The following ATP10A variants were observed in gnomAD, a reference collection of about 807,000 sequenced individuals.
ATP10A encodes ATPase phospholipid transporting 10A (putative).
Under a neutral mutation model 147.8 loss-of-function variants are expected in ATP10A, and 111 were observed. The ratio of observed to expected loss-of-function variants is 0.75; its 90% CI spans 0.64 to 0.88. ATP10A has a LOEUF of 0.88. ATP10A is among the 40% of genes least tolerant of loss of function. The pLI is 0.00. For missense variants in ATP10A, 1,927 were observed against 1,959.0 expected (o/e 0.98, Z 0.31); for synonymous variants, 875 against 841.6 (o/e 1.04, Z -0.69).
rs756747455 is a variant in ATP10A, at chr15:25,716,709, C to T, written c.1776+21G>A. 10 of 1,542,198 alleles carry T rather than the reference C, an allele frequency of 6.5e-6. No homozygotes were observed. In the South Asian group the frequency reaches 1.2e-4, roughly 19 times the overall value. ...CAGCGCAGAAGGTCAAGGTCAAGCT[C>T]AGGGACCCTCCAGAACTTGCCTTTG... On this transcript the variant is annotated intron_variant, in intron 9 of 20. Coordinates refer to ENST00000555815, the MANE Select transcript of ATP10A (RefSeq NM_024490.4).
chr15:25,672,300 T>C (rs551569003), downstream of ATP10A, among the ~76,000 whole-genome samples: 2 of 152,352 alleles, frequency 1.3e-5, no homozygotes, highest in African/African-American at 2.4e-5. Context: ...TTCATCTGTG[T>C]TGTACATGTG....
At chr15:25,694,451 C>CCAGAAGCAG (rs1900201445) in intron 14 of ATP10A, among the ~76,000 whole-genome samples, 1 of 152,204 alleles carries the variant, frequency 6.6e-6, no homozygotes, top group Admixed American at 6.5e-5. Context: ...CTGCAAAGGA[C>CCAGAAGCAG]CTTCTAAGTT....
At chr15:25,790,810 A>G (rs1418380197) in intron 1 of ATP10A, among the ~76,000 whole-genome samples, 1 of 152,142 alleles carries the variant, frequency 6.6e-6, no homozygotes. Context: ...ACATCTCAAT[A>G]ATACTGCCCA....
chr15:25,695,214 C>T, intron 13 of ATP10A, 68 bp from the exon 14 acceptor site: 1 of 1,448,122 alleles, frequency 6.9e-7, no homozygotes, highest in Non-Finnish European at 9.4e-7. Context: ...CGCCCTGGCT[C>T]AACACCTCTG....
chr15:25,688,146 A>C (rs904462213), intron 15 of ATP10A: 1 of 398,058 alleles, frequency 2.5e-6, no homozygotes, highest in Non-Finnish European at 4.8e-6. Flanking sequence ...GAAAACACAC[A>C]GAGATACATG....
At chr15:25,690,488 T>C (rs8030518) in intron 15 of ATP10A, among the ~76,000 whole-genome samples, 11,016 of 152,304 alleles carry the variant, frequency 0.072, 545 homozygotes, top group African/African-American at 0.13. Flanking sequence ...GATCCTCCTG[T>C]CTTGTCCTTC....
At position 25,827,286 on chromosome 15, in the gene ATP10A, A is replaced by C. The variant is rs1421415307; in HGVS notation, c.449+35362T>G. 8.5e-5 allele frequency among the ~76,000 whole-genome samples: 13 copies of C among 152,252 alleles called. No individual in the cohort carries two copies. In the East Asian group the frequency reaches 2.5e-3, roughly 29 times the overall value. On this transcript the variant is annotated intron_variant, in intron 1 of 20. Transcript: ENST00000555815. The stretch of plus-strand genomic sequence containing the variant: ...ACAATAAACAGAGTCCTTCAGGCTG[A>C]AATGAAAGCACACTAGACTGTAACT...
At chr15:25,707,807 G>A (rs939214247) in intron 12 of ATP10A, among the ~76,000 whole-genome samples, 169 bp downstream of exon 12, 1 of 152,170 alleles carries the variant, frequency 6.6e-6, no homozygotes, top group African/African-American at 2.4e-5. Context: ...GAGACTAGGA[G>A]AAGATTCAGG....
intron 1 of ATP10A, 24 bp from the exon 2 acceptor site, chr15:25,781,247 A>G (rs372369297): frequency 3.4e-5 from 54 of 1,588,726 alleles, no homozygotes; most frequent in African/African-American, 2.3e-4. Flanking sequence ...TTTGATTAAC[A>G]AAACTCACGA....
intron 1 of ATP10A, among the ~76,000 whole-genome samples, chr15:25,807,786 G>A (rs1255332648): frequency 6.6e-6 from 1 of 150,888 alleles, no homozygotes; most frequent in Non-Finnish European, 1.5e-5. Flanking sequence ...TGGGTGACAA[G>A]AGTGAAACTC....
chr15:25,824,585 G>A (rs552534292), intron 1 of ATP10A, among the ~76,000 whole-genome samples: 15 of 141,216 alleles, frequency 1.1e-4, no homozygotes, highest in African/African-American at 3.2e-4. Context: ...GCATTTTAAC[G>A]AAACACATTT....
At chr15:25,768,145 G>A (rs1034868982) in intron 2 of ATP10A, among the ~76,000 whole-genome samples, 5 of 152,106 alleles carry the variant, frequency 3.3e-5, no homozygotes, top group African/African-American at 9.7e-5. Flanking sequence ...GTGCTGGGCC[G>A]GCATGACGAG....
At chr15:25,700,119 G>C (rs1317714932) in intron 13 of ATP10A, among the ~76,000 whole-genome samples, 6 of 152,076 alleles carry the variant, frequency 3.9e-5, no homozygotes, top group Non-Finnish European at 5.9e-5. Context: ...TGGAAAATAA[G>C]CACATGGAAA....
At chr15:25,837,000 C>T (rs985617407) in intron 1 of ATP10A, among the ~76,000 whole-genome samples, 2 of 152,148 alleles carry the variant, frequency 1.3e-5, no homozygotes, top group African/African-American at 4.8e-5. Flanking sequence ...TTTTGATATA[C>T]ATATAACGTA....
At chr15:25,757,007 T>C (rs756968628) in intron 2 of ATP10A, among the ~76,000 whole-genome samples, 7 of 152,220 alleles carry the variant, frequency 4.6e-5, no homozygotes, top group Non-Finnish European at 7.3e-5. Flanking sequence ...CAAACGGCCA[T>C]AAACATTTAT....
chr15:25,680,665 C>T, intron 19 of ATP10A, 145 bp downstream of exon 19: 1 of 800,440 alleles, frequency 1.2e-6, no homozygotes, highest in Non-Finnish European at 2.1e-6. Context: ...GGGAATGTGT[C>T]ATTGTCCTTC....
At chr15:25,856,100 A>G (rs1250425244) in intron 1 of ATP10A, among the ~76,000 whole-genome samples, 1 of 152,218 alleles carries the variant, frequency 6.6e-6, no homozygotes, top group Non-Finnish European at 1.5e-5. Context: ...AAAGCTTAAG[A>G]ATTTTAGAAA....
Position 25,705,913 on chromosome 15 carries a change from A to G in ATP10A, c.2575+2063T>C, listed in dbSNP as rs531222089. Among the ~76,000 whole-genome samples the G allele has an allele frequency of 2.6e-5, 4 of 152,304 alleles. No homozygotes were observed. In the East Asian group the frequency reaches 7.7e-4, roughly 29 times the overall value. ...CTGGCACCCATGTGGGCAACCCAGG[A>G]GTTCCATCGCTGACACATCTCAGAG... On this transcript the variant is annotated intron_variant, in intron 12 of 20. Transcript: ENST00000555815.
intron 1 of ATP10A, among the ~76,000 whole-genome samples, chr15:25,848,576 C>T (rs571045585): frequency 2.6e-4 from 40 of 152,004 alleles, no homozygotes; most frequent in Non-Finnish European, 5.3e-4. Flanking sequence ...TCCTAGAGGC[C>T]GCCCACACTC....
Sources: allele counts gnomAD v4.1 joint callset (sites outside exome capture counted in the v4.1 genomes callset), GRCh38; gene constraint gnomAD v4.1.1; transcripts MANE v1.5; gene names NCBI Gene and HGNC (gene_info 2026-07-23, HGNC 2026-07-21).